The following ZBTB7C variants were observed in gnomAD, a reference collection of about 807,000 sequenced individuals.
ZBTB7C encodes zinc finger and BTB domain-containing protein 7C.
ZBTB7C carries 8 observed loss-of-function variants against 25.7 expected under a neutral mutation model. That is an observed-to-expected ratio of 0.31 (90% CI 0.18 to 0.56). ZBTB7C has a LOEUF of 0.56. ZBTB7C is among the 20% of genes least tolerant of loss of function. The probability of loss-of-function intolerance (pLI) is 0.91; values close to 1 mark genes in which losing one functional copy is unlikely to be tolerated. For missense variants in ZBTB7C, 824 were observed against 855.2 expected (o/e 0.96, Z 0.46); for synonymous variants, 394 against 369.0 (o/e 1.07, Z -0.78).
chr18:48,077,062 C>CAAAA (rs10539603), intron 3 of ZBTB7C: 10 of 401,908 alleles, frequency 2.5e-5, no homozygotes, highest in African/African-American at 4.9e-5. Context: ...TTGTTATATG[C>CAAAA]AAAAAAAAAA....
At chr18:48,368,135 G>T (rs1437462432) in intron 1 of ZBTB7C, among the ~76,000 whole-genome samples, 2 of 150,196 alleles carry the variant, frequency 1.3e-5, no homozygotes, top group African/African-American at 4.9e-5. Flanking sequence ...CAAGATGACA[G>T]ACATGTTAGA....
chr18:48,247,312 T>C (rs958758447), intron 2 of ZBTB7C, among the ~76,000 whole-genome samples: 3 of 152,114 alleles, frequency 2.0e-5, no homozygotes, highest in Non-Finnish European at 2.9e-5. Flanking sequence ...GGAAAGTTTT[T>C]AAAAACAACG....
chr18:48,318,379 G>A (rs1225431321), intron 2 of ZBTB7C, among the ~76,000 whole-genome samples: 2 of 151,950 alleles, frequency 1.3e-5, no homozygotes, highest in Non-Finnish European at 2.9e-5. Flanking sequence ...AGGCCCACCT[G>A]CTTGGTTCTT....
chr18:48,330,999 G>C (rs1430815059), intron 2 of ZBTB7C, among the ~76,000 whole-genome samples: 2 of 152,072 alleles, frequency 1.3e-5, no homozygotes, highest in East Asian at 3.9e-4. Flanking sequence ...CAGGTCAAGG[G>C]TTCCCTCCTC....
rs775628903 is a variant in ZBTB7C, at chr18:48,029,591, G to C, written c.1529C>G (p.Ala510Gly). The change falls in exon 5 of 5, where the codon GCG (alanine) becomes GGG (glycine). Residue 510 changes from alanine to glycine, a missense_variant. Ala to Gly is a moderately conservative substitution (Grantham distance 60). This residue lies in a region of ZBTB7C where 342 missense variants were observed against 307.0 expected (regional missense o/e 1.11). Transcript: ENST00000590800. ...PDKAAFVMPP[A>G]LGEVGGHLGG... is the part of the protein sequence containing the mutation. ...CAGGTGGCCGCCCACCTCGCCCAGCGCAGGGGGCATCACGAAGGCCGCCTT... is the reference window on the plus strand; with the variant it reads ...CAGGTGGCCGCCCACCTCGCCCAGCCCAGGGGGCATCACGAAGGCCGCCTT... 4.0e-6 allele frequency: 6 copies of C among 1,495,972 alleles called. No individual in the cohort carries two copies. The highest frequency in any genetic ancestry group is 4.9e-5 in the Admixed American group (2 of 40,734). The allele number at this position is 1,495,972 out of a possible 1,614,324, so 92.7% of individuals were successfully genotyped here.
intron 3 of ZBTB7C, among the ~76,000 whole-genome samples, chr18:48,141,747 AT>A (rs2040356943): frequency 6.6e-6 from 1 of 152,182 alleles, no homozygotes; most frequent in African/African-American, 2.4e-5. Flanking sequence ...GTTTAATTAA[AT>A]TTTGAGGAAA....
chr18:48,255,137 A>G (rs1014902994), intron 2 of ZBTB7C, among the ~76,000 whole-genome samples: 2 of 152,216 alleles, frequency 1.3e-5, no homozygotes, highest in Non-Finnish European at 2.9e-5. Context: ...TGTCCAGCAC[A>G]CAGGATAAAA....
intron 3 of ZBTB7C, among the ~76,000 whole-genome samples, chr18:48,136,506 TG>T (rs988875183): frequency 8.5e-5 from 13 of 152,180 alleles, no homozygotes; most frequent in Admixed American, 2.0e-4. Flanking sequence ...CCATGGCTTT[TG>T]TCCCCCCTCC....
intron 2 of ZBTB7C, among the ~76,000 whole-genome samples, chr18:48,208,590 C>T (rs2042633233): frequency 6.6e-6 from 1 of 152,116 alleles, no homozygotes; most frequent in Non-Finnish European, 1.5e-5. Flanking sequence ...TTAACTCCTG[C>T]AGGCTCCTTA....
chr18:48,246,400 A>C (rs1049147230), intron 2 of ZBTB7C, among the ~76,000 whole-genome samples: 4 of 152,018 alleles, frequency 2.6e-5, no homozygotes, highest in Non-Finnish European at 5.9e-5. Flanking sequence ...ACTGCACTCC[A>C]GCCTGGGCAA....
At chr18:48,231,765 G>C (rs1385353147) in intron 2 of ZBTB7C, among the ~76,000 whole-genome samples, 1 of 152,226 alleles carries the variant, frequency 6.6e-6, no homozygotes, top group African/African-American at 2.4e-5. Context: ...AAGAGCTGCG[G>C]CCCTTTGGGA....
intron 3 of ZBTB7C, among the ~76,000 whole-genome samples, chr18:48,068,987 G>A (rs187195672): frequency 1.3e-5 from 2 of 152,336 alleles, no homozygotes; most frequent in African/African-American, 2.4e-5. Flanking sequence ...AGCTCAGGGA[G>A]TGAGATGAAC....
At chr18:48,116,627 G>A (rs1473238037) in intron 3 of ZBTB7C, among the ~76,000 whole-genome samples, 1 of 151,956 alleles carries the variant, frequency 6.6e-6, no homozygotes. Context: ...CTGCACCCAC[G>A]GCTCTCTTAT....
chr18:48,277,938 G>A (rs1423522799), intron 2 of ZBTB7C, among the ~76,000 whole-genome samples: 1 of 152,064 alleles, frequency 6.6e-6, no homozygotes, highest in Non-Finnish European at 1.5e-5. Flanking sequence ...AGTGGGAGTA[G>A]GGTGAGGTAA....
chr18:48,059,947 T>G lies in ZBTB7C; in HGVS notation c.-16-18824A>C, dbSNP rs2037063588. Among the ~76,000 whole-genome samples, 3 of 152,020 alleles carry G rather than the reference T, an allele frequency of 2.0e-5. No individual in the cohort carries two copies. In the South Asian group the frequency reaches 6.2e-4, roughly 32 times the overall value. On this transcript the variant is annotated intron_variant, in intron 3 of 4. Coordinates refer to ENST00000590800, the MANE Select transcript of ZBTB7C (RefSeq NM_001318841.2). Reference sequence around the variant, plus strand: ...CGACCCTTCCCCGGCTTCTTCCTCCTCCCACTCTTTTCCAGGCAGGCAGGC... The same window carrying G: ...CGACCCTTCCCCGGCTTCTTCCTCCGCCCACTCTTTTCCAGGCAGGCAGGC...
intron 3 of ZBTB7C, among the ~76,000 whole-genome samples, chr18:48,123,772 A>G (rs2039707383): frequency 1.3e-5 from 2 of 152,232 alleles, no homozygotes; most frequent in Non-Finnish European, 2.9e-5. Flanking sequence ...ATATAGAAGT[A>G]AGTGCTGCAG....
intron 3 of ZBTB7C, among the ~76,000 whole-genome samples, chr18:48,075,217 T>G (rs1056161565): frequency 7.2e-5 from 11 of 152,222 alleles, no homozygotes; most frequent in African/African-American, 2.7e-4. Flanking sequence ...TAGATGGCAC[T>G]GCCAAACAGC....
rs754341484 is a variant in ZBTB7C at position 48,041,078 on chromosome 18, G to A, written c.30C>T (p.Gly10=). MANDIDELI[G]IPFPNHSSEV... ...CACTGCTGTGGTTGGGGAAGGGAAT[G>A]CCAATGAGCTCATCAATGTCATTGG... The change falls in exon 4 of 5, where the codon GGC becomes GGT. Residue 10 remains glycine (G), a synonymous_variant. Transcript: ENST00000590800. The A allele has an allele frequency of 3.7e-5, 60 of 1,606,616 alleles. No homozygotes were observed. Among genetic ancestry groups the A allele is most frequent in the Non-Finnish European group, 4.9e-5 (58 of 1,174,748 alleles).
chr18:48,087,863 T>C (rs2038253981), intron 3 of ZBTB7C: 1 of 142,836 alleles, frequency 7.0e-6, no homozygotes, highest in Admixed American at 6.9e-5. Context: ...GGGGGGGCAT[T>C]TTTCCATATT....
Sources: gnomAD v4.1 joint callset for allele counts (sites outside exome capture counted in the v4.1 genomes callset) on GRCh38, gnomAD v4.1.1 for gene constraint, gnomAD v4.1.1 regional missense constraint, MANE v1.5 for transcripts, NCBI Gene and HGNC (gene_info 2026-07-23, HGNC 2026-07-21) for gene names.